RAMP1: variants seen among roughly 807,000 people sequenced by gnomAD.
RAMP1 encodes the protein receptor activity modifying protein 1.
In RAMP1, 7 loss-of-function variants were observed where a neutral mutation model predicts 8.2. That is an observed-to-expected ratio of 0.85 (90% CI 0.49 to 1.60). The LOEUF is 1.60. RAMP1 is among the 40% of genes most tolerant of loss of function. The pLI, the probability that RAMP1 is intolerant of heterozygous loss-of-function variation, is 0.00. For missense variants in RAMP1, 192 were observed against 202.4 expected, an observed-to-expected ratio of 0.95 and a Z score of 0.31; for synonymous variants, 92 against 84.7, an observed-to-expected ratio of 1.09 and a Z score of -0.47.
At chr2:237,900,440 C>G (rs1455796302) in intron 2 of RAMP1, among the ~76,000 whole-genome samples, 1 of 139,838 alleles carries the variant, frequency 7.2e-6, no homozygotes, top group Non-Finnish European at 1.5e-5. Flanking sequence ...GTATTACAGG[C>G]GTGAGCCACC....
intron 2 of RAMP1, among the ~76,000 whole-genome samples, chr2:237,884,926 G>A (rs942944524): frequency 2.0e-5 from 3 of 152,238 alleles, no homozygotes; most frequent in African/African-American, 4.8e-5. Context: ...CCCAGGGAGT[G>A]GGGCTGCAGC....
intron 2 of RAMP1, among the ~76,000 whole-genome samples, chr2:237,898,636 G>T (rs541920854): frequency 6.6e-6 from 1 of 152,302 alleles, no homozygotes; most frequent in South Asian, 2.1e-4. Flanking sequence ...AAAACAAAAG[G>T]TGCCCAGTTC....
At chr2:237,908,413 G>C (rs1158174719) in intron 2 of RAMP1, among the ~76,000 whole-genome samples, 1 of 151,232 alleles carries the variant, frequency 6.6e-6, no homozygotes, top group Non-Finnish European at 1.5e-5. Flanking sequence ...GAGACCTCTG[G>C]TGGTGGTGGT....
Position 237,877,865 on chromosome 2 carries a change from C to A in RAMP1, c.191+503C>A. The A allele has an allele frequency of 1.3e-6, 1 of 767,634 alleles. No homozygotes were observed. The highest frequency in any genetic ancestry group is 1.6e-6 in the Non-Finnish European group (1 of 631,256). The allele number at this position is 767,634 out of a possible 1,614,324, so 47.6% of individuals were successfully genotyped here. A position where few individuals can be genotyped will look rare whatever the true frequency, so the allele number is the denominator to read the frequency against. On this transcript the variant is annotated intron_variant, in intron 2 of 2. Transcript: ENST00000254661. This position sits in a 1 kb window ranked among gnomAD's most constrained non-coding sequence, Gnocchi z 4.4. The stretch of plus-strand genomic sequence containing the variant: ...CCCAGCAGGACGGCTTCAGCCGAAC[C>A]CTTCCCCACCTGGCCCGATCCTCCT...
intron 2 of RAMP1, among the ~76,000 whole-genome samples, chr2:237,888,593 G>C (rs1013665622): frequency 1.7e-4 from 26 of 152,280 alleles, no homozygotes; most frequent in African/African-American, 6.0e-4. Context: ...TTTTTCTCAA[G>C]TGCAAGTTAC....
Position 237,875,224 on chromosome 2 carries a change from G to A in RAMP1, c.53-2000G>A, listed in dbSNP as rs1326999200. Among the ~76,000 whole-genome samples the A allele has an allele frequency of 2.0e-5, 3 of 152,146 alleles. No individual in the cohort carries two copies. The East Asian group carries it at 5.8e-4, about 29-fold the overall frequency. ...CCCCTTCCCCAAGGCTGCCCTGACT[G>A]GGGGTGAAAGAAGCCCCCAGGGTGG... On this transcript the variant is annotated intron_variant, in intron 1 of 2. Transcript: ENST00000254661.
Position 237,911,667 on chromosome 2 carries a change from G to T in RAMP1, c.331G>T (p.Val111Leu), listed in dbSNP as rs145088404. The T allele has an allele frequency of 2.5e-6, 4 of 1,614,030 alleles. No individual in the cohort carries two copies. Among genetic ancestry groups the T allele is most frequent in the African/African-American group, 2.7e-5 (2 of 75,050 alleles). The change falls in exon 3 of 3, where the codon GTG (valine) becomes TTG (leucine). Residue 111 changes from valine (V) to leucine (L), a missense_variant. Transcript: ENST00000254661. ...GAGCTGCCCCATCTCAGGCAGGGCCGTGCGGGACCCGCCCGGCAGCATCCT... is the reference window on the plus strand; with the variant it reads ...GAGCTGCCCCATCTCAGGCAGGGCCTTGCGGGACCCGCCCGGCAGCATCCT... ...FRSCPISGRA[V>L]RDPPGSILYP...
intron 1 of RAMP1, among the ~76,000 whole-genome samples, chr2:237,875,955 C>T (rs895063395): frequency 6.6e-5 from 10 of 152,290 alleles, no homozygotes; most frequent in Middle Eastern, 3.4e-3. Flanking sequence ...GCCCCAGAAG[C>T]GGCCAAGTGC....
At chr2:237,901,589 C>T (rs2062596609) in intron 2 of RAMP1, among the ~76,000 whole-genome samples, 1 of 152,166 alleles carries the variant, frequency 6.6e-6, no homozygotes, top group Non-Finnish European at 1.5e-5. Context: ...TAGAATGTGG[C>T]CAGCAGGAGG....
intron 1 of RAMP1, among the ~76,000 whole-genome samples, chr2:237,864,338 GC>G (rs201159780): frequency 0.052 from 7,969 of 152,266 alleles, 682 homozygotes; most frequent in African/African-American, 0.18. Flanking sequence ...CGTAAGGCCT[GC>G]CGCTGTCAGG....
intron 1 of RAMP1, among the ~76,000 whole-genome samples, chr2:237,872,450 C>G (rs933927978): frequency 4.6e-5 from 7 of 152,194 alleles, no homozygotes; most frequent in Admixed American, 2.0e-4. Context: ...TCCTGGGAAG[C>G]CTGAGGGAGG....
In RAMP1 at chr2:237,872,802, C is replaced by T. The variant is rs1017063085; in HGVS notation, c.53-4422C>T. ...AGCACTGTGGGACGCTGAGGTGGGACGATGCCCAGGAGTTCAAGACCAGCC... is the reference window on the plus strand; with the variant it reads ...AGCACTGTGGGACGCTGAGGTGGGATGATGCCCAGGAGTTCAAGACCAGCC... On this transcript the variant is annotated intron_variant, in intron 1 of 2. Coordinates refer to ENST00000254661, the MANE Select transcript of RAMP1 (RefSeq NM_005855.4). 3.2e-4 allele frequency among the ~76,000 whole-genome samples: 48 copies of T among 152,264 alleles called. 1 individual carries two copies. Among genetic ancestry groups the T allele is most frequent in the Admixed American group, 1.3e-4 (2 of 15,296 alleles).
intron 1 of RAMP1, chr2:237,874,595 G>A: frequency 1.1e-6 from 1 of 874,310 alleles, no homozygotes; most frequent in Non-Finnish European, 1.4e-6. Flanking sequence ...CAAAGCAGGA[G>A]GGGAGTCTGC....
At chr2:237,898,864 C>T (rs1015044081) in intron 2 of RAMP1, among the ~76,000 whole-genome samples, 8 of 152,290 alleles carry the variant, frequency 5.3e-5, no homozygotes, top group African/African-American at 1.4e-4. Flanking sequence ...GAGGAAGTGG[C>T]GCAGTAAGTG....
Position 237,877,488 on chromosome 2 carries a change from G to C in RAMP1, c.191+126G>C. Reference sequence around the variant, plus strand: ...AGACCCCGGAAGGGTTCTTCCCCCAGTGGGGGGGGCCGGGATGAAGACAGA... The same window carrying C: ...AGACCCCGGAAGGGTTCTTCCCCCACTGGGGGGGGCCGGGATGAAGACAGA... On this transcript the variant is annotated intron_variant, in intron 2 of 2. Transcript: ENST00000254661. The surrounding 1 kb of genome is among the most constrained non-coding windows in gnomAD (Gnocchi z 4.4). The C allele has an allele frequency of 7.6e-7, 1 of 1,320,100 alleles. No individual in the cohort carries two copies. 81.8% of individuals were successfully genotyped at this position (1,320,100 alleles called of 1,614,324 possible).
At chr2:237,860,421 T>C (rs2062121285) in intron 1 of RAMP1, among the ~76,000 whole-genome samples, 1 of 152,220 alleles carries the variant, frequency 6.6e-6, no homozygotes, top group African/African-American at 2.4e-5. Context: ...GGAACACGTT[T>C]GGCTTTCCAC....
chr2:237,896,226 C>T (rs897456615), intron 2 of RAMP1, among the ~76,000 whole-genome samples: 1 of 152,228 alleles, frequency 6.6e-6, no homozygotes, highest in Admixed American at 6.5e-5. Flanking sequence ...GCTGCCCAGG[C>T]CTGTTCTCAG....
At position 237,887,000 on chromosome 2, in the gene RAMP1, G is replaced by A. The variant is rs542618692; in HGVS notation, c.191+9638G>A. Among the ~76,000 whole-genome samples the A allele has an allele frequency of 8.5e-4, 130 of 152,264 alleles. 1 individual carries two copies. Among genetic ancestry groups the A allele is most frequent in the African/African-American group, 2.8e-3 (116 of 41,568 alleles). ...TAGAACCATCCAGGCTGTGCAGACG[G>A]GACTTGGCTGTCCTGGGACACAGGC... On this transcript the variant is annotated intron_variant, in intron 2 of 2. Coordinates refer to ENST00000254661, the MANE Select transcript of RAMP1 (RefSeq NM_005855.4).
intron 2 of RAMP1, among the ~76,000 whole-genome samples, chr2:237,881,690 AT>A (rs1252082336): frequency 7.9e-5 from 12 of 152,146 alleles, no homozygotes; most frequent in African/African-American, 2.4e-4. Flanking sequence ...CATCTTTCGT[AT>A]GTTTACAGGC....
Sources: allele counts gnomAD v4.1 joint callset (sites outside exome capture counted in the v4.1 genomes callset), GRCh38; gene constraint gnomAD v4.1.1; non-coding constraint Gnocchi (gnomAD v3.1); transcripts MANE v1.5; gene names NCBI Gene and HGNC (gene_info 2026-07-23, HGNC 2026-07-21).